The following PITPNM3 variants were observed in gnomAD, a reference collection of about 807,000 sequenced individuals.
PITPNM3 encodes the protein PITPNM family member 3, also known as membrane-associated phosphatidylinositol transfer protein 3.
A neutral mutation model predicts 102.0 loss-of-function variants in PITPNM3; 26 were observed. The observed-to-expected ratio is 0.25, with a 90% CI of 0.19 to 0.35. The LOEUF (loss-of-function observed/expected upper bound fraction) is 0.35. PITPNM3 is among the 10% of genes least tolerant of loss of function. PITPNM3 has a pLI of 1.00. For missense variants in PITPNM3, 1,083 were observed against 1,346.1 expected (o/e 0.80, Z 3.06); for synonymous variants, 578 against 558.6 (o/e 1.03, Z -0.49).
At chr17:6,544,328 C>T (rs759429828) in intron 1 of PITPNM3, among the ~76,000 whole-genome samples, 5 of 152,080 alleles carry the variant, frequency 3.3e-5, no homozygotes, top group Non-Finnish European at 5.9e-5. Context: ...AGTTTGAGAC[C>T]AGCCACGTCA....
chr17:6,497,825 A>C (rs974185803), intron 4 of PITPNM3, among the ~76,000 whole-genome samples: 27 of 152,162 alleles, frequency 1.8e-4, no homozygotes, highest in Admixed American at 6.5e-4. Context: ...CCTGCTGTAG[A>C]ATCTGCCCCC....
chr17:6,525,335 A>C (rs1908764508), intron 3 of PITPNM3, 21 bp downstream of exon 3: 3 of 1,606,958 alleles, frequency 1.9e-6, no homozygotes, highest in Admixed American at 1.7e-5. Context: ...CATCCTGGTC[A>C]TGAGAGAAGC....
chr17:6,503,610 G>T, intron 3 of PITPNM3, 36 bp from the exon 4 acceptor site: 1 of 1,599,354 alleles, frequency 6.3e-7, no homozygotes, highest in Non-Finnish European at 8.5e-7. Context: ...GCAGATCCTT[G>T]ACACTGTTGC....
intron 3 of PITPNM3, among the ~76,000 whole-genome samples, chr17:6,509,722 G>A (rs555179984): frequency 4.6e-5 from 7 of 152,260 alleles, no homozygotes; most frequent in African/African-American, 9.6e-5. Context: ...TGAGACTCAC[G>A]CTCATTACCC....
At position 6,455,604 on chromosome 17, in the gene PITPNM3, C is replaced by G; in HGVS notation, c.2659G>C (p.Glu887Gln). The G allele has an allele frequency of 6.3e-7, 1 of 1,586,802 alleles. No individual in the cohort carries two copies. Among genetic ancestry groups the G allele is most frequent in the Non-Finnish European group, 8.5e-7 (1 of 1,176,326 alleles). ...EGYAAHLAAL[E>Q]ASHRSRPKKN... is the part of the protein sequence containing the mutation. Reference sequence around the variant, plus strand: ...TTTGGGCGTGAGCGGTGGCTGGCCTCCAGCGCGGCCAGGTGTGCGGCGTAG... The same window carrying G: ...TTTGGGCGTGAGCGGTGGCTGGCCTGCAGCGCGGCCAGGTGTGCGGCGTAG... Residue 887 changes from glutamate (E) to glutamine (Q), a missense_variant, in exon 20 of 20, where the codon GAG becomes CAG. Glu to Gln is a conservative substitution (Grantham distance 29, BLOSUM62 2). Coordinates refer to ENST00000262483, the MANE Select transcript of PITPNM3 (RefSeq NM_031220.4).
intron 4 of PITPNM3, among the ~76,000 whole-genome samples, chr17:6,494,597 G>T (rs1045392258): frequency 2.0e-5 from 3 of 152,200 alleles, no homozygotes; most frequent in African/African-American, 7.2e-5. Context: ...CTAGAGGAAG[G>T]CTCATTGAAA....
intron 4 of PITPNM3, among the ~76,000 whole-genome samples, chr17:6,484,806 A>C (rs142036649): frequency 8.5e-5 from 13 of 152,318 alleles, no homozygotes; most frequent in African/African-American, 2.6e-4. Flanking sequence ...CATTTGAAGC[A>C]GTGAATGAGG....
Position 6,470,088 on chromosome 17 carries a change from T to C in PITPNM3, c.1773+172A>G, listed in dbSNP as rs963871001. Among the ~76,000 whole-genome samples, 11 of 152,374 alleles carry C rather than the reference T, an allele frequency of 7.2e-5. No homozygotes were observed. The highest frequency in any genetic ancestry group is 2.6e-4 in the African/African-American group (11 of 41,592). On this transcript the variant is annotated intron_variant, in intron 13 of 19. Coordinates refer to ENST00000262483, the MANE Select transcript of PITPNM3 (RefSeq NM_031220.4). The surrounding 1 kb of genome is among the most constrained non-coding windows in gnomAD (Gnocchi z 4.8). ...GCCAATGTCTTTATGAAGCCCATTC[T>C]CTGGTCATGTCACTCCCCACTCACG...
At chr17:6,552,682 C>A (rs1383735674) in intron 1 of PITPNM3, among the ~76,000 whole-genome samples, 3 of 152,106 alleles carry the variant, frequency 2.0e-5, no homozygotes, top group African/African-American at 4.8e-5. Context: ...TACACATGTG[C>A]CTCTTCCTTT....
chr17:6,462,477 C>T (rs1031684993), intron 17 of PITPNM3, among the ~76,000 whole-genome samples: 1 of 152,150 alleles, frequency 6.6e-6, no homozygotes, highest in Non-Finnish European at 1.5e-5. Context: ...CCTACACAGC[C>T]CCTACGGCAC....
chr17:6,503,222 A>T (rs778591384), intron 4 of PITPNM3, among the ~76,000 whole-genome samples: 16 of 151,592 alleles, frequency 1.1e-4, no homozygotes, highest in Non-Finnish European at 2.1e-4. Context: ...CTGAGCTCAC[A>T]CTCCCAACCC....
Position 6,457,154 on chromosome 17 carries a change from T to A in PITPNM3, c.2619+440A>T, listed in dbSNP as rs1914152554. On this transcript the variant is annotated intron_variant, in intron 19 of 19. Coordinates refer to ENST00000262483, the MANE Select transcript of PITPNM3 (RefSeq NM_031220.4). This position sits in a 1 kb window ranked among gnomAD's most constrained non-coding sequence, Gnocchi z 4.7. ...CAGAATATACATGTTCTGTGTCACC[T>A]CCTGACCTTGGCTTTTGCTGCTGCC... Among the ~76,000 whole-genome samples the A allele has an allele frequency of 6.6e-6, 1 of 151,684 alleles. No individual in the cohort carries two copies. Among genetic ancestry groups the A allele is most frequent in the South Asian group, 2.1e-4 (1 of 4,788 alleles).
intron 3 of PITPNM3, among the ~76,000 whole-genome samples, chr17:6,520,737 G>A (rs1376284296): frequency 4.6e-5 from 7 of 152,318 alleles, no homozygotes; most frequent in East Asian, 1.9e-4. Flanking sequence ...CAACCCAAAC[G>A]TCCATCATCA....
Position 6,457,595 on chromosome 17 carries a change from T to TG in PITPNM3, c.2617dup (p.Gln873ProfsTer204). 7.0e-7 allele frequency: 1 copy of TG among 1,429,906 alleles called. No individual in the cohort carries two copies. Among genetic ancestry groups the TG allele is most frequent in the South Asian group, 1.1e-5 (1 of 88,196 alleles). 88.6% of individuals were successfully genotyped at this position (1,429,906 alleles called of 1,614,324 possible). A position where few individuals can be genotyped will look rare whatever the true frequency, so the allele number is the denominator to read the frequency against. ...GCCTCCAGCCCCGCCTCCACCCACCTGGCACTGGGTTTGGTACTTCTTGGT... is the reference window on the plus strand; with the variant it reads ...GCCTCCAGCCCCGCCTCCACCCACCTGGGCACTGGGTTTGGTACTTCTTGGT... On this transcript the variant is annotated frameshift_variant and splice_region_variant, in exon 19 of 20. Coordinates refer to ENST00000262483, the MANE Select transcript of PITPNM3 (RefSeq NM_031220.4). LOFTEE classifies it high-confidence loss of function. This position sits in a 1 kb window ranked among gnomAD's most constrained non-coding sequence, Gnocchi z 4.7.
intron 4 of PITPNM3, 95 bp downstream of exon 4, chr17:6,503,432 T>C: frequency 7.1e-7 from 1 of 1,398,800 alleles, no homozygotes; most frequent in Non-Finnish European, 1.0e-6. Flanking sequence ...CTGCCATCCT[T>C]TCAGGCTCTG....
intron 1 of PITPNM3, among the ~76,000 whole-genome samples, chr17:6,544,625 GTCTCTCTCTC>G (rs67144965): frequency 7.3e-6 from 1 of 137,192 alleles, no homozygotes; most frequent in African/African-American, 2.9e-5. Flanking sequence ...TTTGAATGGT[GTCTCTCTCTC>G]TCTCTCTCTC....
intron 1 of PITPNM3, among the ~76,000 whole-genome samples, chr17:6,549,075 G>C (rs532854260): frequency 6.6e-6 from 1 of 152,146 alleles, no homozygotes; most frequent in African/African-American, 2.4e-5. Context: ...CCTTCCCCTG[G>C]TAGGTGGTTC....
At chr17:6,530,796 T>C (rs1179232138) in intron 2 of PITPNM3, among the ~76,000 whole-genome samples, 3 of 152,168 alleles carry the variant, frequency 2.0e-5, no homozygotes, top group Admixed American at 2.0e-4. Context: ...GGAGGGCTAT[T>C]TAGATGCTGG....
chr17:6,536,334 T>C (rs1427044820), intron 2 of PITPNM3, among the ~76,000 whole-genome samples: 1 of 152,194 alleles, frequency 6.6e-6, no homozygotes, highest in African/African-American at 2.4e-5. Context: ...TGTCGTCAGC[T>C]GGGAACGCAG....
Sources: gnomAD v4.1 joint callset for allele counts (sites outside exome capture counted in the v4.1 genomes callset) on GRCh38, gnomAD v4.1.1 for gene constraint, Gnocchi (gnomAD v3.1) non-coding constraint, MANE v1.5 for transcripts, NCBI Gene and HGNC (gene_info 2026-07-23, HGNC 2026-07-21) for gene names.